GDPD1: variants seen among roughly 807,000 people sequenced by gnomAD.
The protein encoded by GDPD1 is lysophospholipase D GDPD1.
In GDPD1, 28 loss-of-function variants were observed where a neutral mutation model predicts 45.1. That is an observed-to-expected ratio of 0.62 (90% confidence interval 0.46 to 0.85). The LOEUF is 0.85. Among genes scored for constraint, GDPD1 ranks in the 40% least tolerant of loss-of-function variants. The pLI is 0.00. For missense variants in GDPD1, 256 were observed against 364.8 expected, an observed-to-expected ratio of 0.70 and a Z score of 2.43; for synonymous variants, 139 against 131.4, an observed-to-expected ratio of 1.06 and a Z score of -0.40.
intron 7 of GDPD1, among the ~76,000 whole-genome samples, chr17:59,268,479 T>C (rs1216286449): frequency 1.4e-5 from 2 of 143,730 alleles, no homozygotes; most frequent in Non-Finnish European, 3.0e-5. Flanking sequence ...CTCCGGAGGC[T>C]GAGGCAGGAG....
intron 4 of GDPD1, among the ~76,000 whole-genome samples, chr17:59,256,337 A>G (rs1198993218): frequency 6.6e-6 from 1 of 152,072 alleles, no homozygotes; most frequent in African/African-American, 2.4e-5. Context: ...ACAAACAAAA[A>G]AGAGACTAGA....
At chr17:59,223,533 CG>C (rs1441424850) in intron 1 of GDPD1, among the ~76,000 whole-genome samples, 1 of 152,134 alleles carries the variant, frequency 6.6e-6, no homozygotes, top group Non-Finnish European at 1.5e-5. Flanking sequence ...GTCTTCGACA[CG>C]GATAATAGCA....
intron 4 of GDPD1, among the ~76,000 whole-genome samples, chr17:59,252,515 T>G (rs2091389475): frequency 6.6e-6 from 1 of 151,830 alleles, no homozygotes; most frequent in South Asian, 2.1e-4. Context: ...CTGGGATTAG[T>G]CATGAGCCAC....
Position 59,261,913 on chromosome 17 carries a change from CTTT to C in GDPD1, c.576+4093_576+4095del, listed in dbSNP as rs58058526. On this transcript the variant is annotated intron_variant, in intron 6 of 9. Coordinates refer to ENST00000284116, the MANE Select transcript of GDPD1 (RefSeq NM_182569.4). Reference sequence around the variant, plus strand: ...TTTCCCAAAGTGCTGAGATTACAGGCTTTTTTTTTTTTTTTTTTTTTTGAGACG... The same window carrying C: ...TTTCCCAAAGTGCTGAGATTACAGGCTTTTTTTTTTTTTTTTTTTGAGACG... 3.9e-3 allele frequency among the ~76,000 whole-genome samples: 311 copies of C among 79,294 alleles called. 1 individual carries two copies. The highest frequency in any genetic ancestry group is 0.019 in the African/African-American group (291 of 15,660). The allele number at this position is 79,294 out of a possible 152,430, so 52.0% of individuals were successfully genotyped here.
At chr17:59,237,367 C>T (rs1220031628) in intron 2 of GDPD1, among the ~76,000 whole-genome samples, 1 of 152,138 alleles carries the variant, frequency 6.6e-6, no homozygotes, top group Non-Finnish European at 1.5e-5. Context: ...CACCACTGTA[C>T]TCCAGCCTGA....
At position 59,220,666 on chromosome 17, in the gene GDPD1, C is replaced by T. The variant is rs994835433; in HGVS notation, c.57C>T (p.Thr19=). The part of the protein sequence containing the change: ...LLSTLGGYLV[T]SFLLLKYPTL... ...CTACGCTAGGAGGATACTTGGTGACCTCATTCTTGTTGCTTAAATACCCGA... is the reference window on the plus strand; with the variant it reads ...CTACGCTAGGAGGATACTTGGTGACTTCATTCTTGTTGCTTAAATACCCGA... The change falls in exon 1 of 10, where the codon ACC becomes ACT. Residue 19 remains threonine, a synonymous_variant. Coordinates refer to ENST00000284116, the MANE Select transcript of GDPD1 (RefSeq NM_182569.4). 1 of 1,614,182 alleles carries T rather than the reference C, an allele frequency of 6.2e-7. No individual in the cohort carries two copies. The highest frequency in any genetic ancestry group is 1.1e-5 in the South Asian group (1 of 91,080).
chr17:59,255,788 CGTATATAT>C (rs1454553978), intron 4 of GDPD1, among the ~76,000 whole-genome samples: 3 of 46,814 alleles, frequency 6.4e-5, no homozygotes, highest in Middle Eastern at 0.019. Flanking sequence ...TATATATACG[CGTATATAT>C]GTATATATAT....
intron 6 of GDPD1, among the ~76,000 whole-genome samples, chr17:59,264,376 C>T (rs982697679): frequency 6.6e-6 from 1 of 152,066 alleles, no homozygotes; most frequent in Admixed American, 6.6e-5. Flanking sequence ...TCACTGCAAC[C>T]TCCACCTCCC....
At chr17:59,221,029 G>A (rs776592242) in intron 1 of GDPD1, among the ~76,000 whole-genome samples, 1 of 152,138 alleles carries the variant, frequency 6.6e-6, no homozygotes, top group Non-Finnish European at 1.5e-5. Flanking sequence ...AGAATGAAGG[G>A]TAGGTGGAGC....
At chr17:59,252,408 T>C (rs2047262026) in intron 4 of GDPD1, among the ~76,000 whole-genome samples, 1 of 151,622 alleles carries the variant, frequency 6.6e-6, no homozygotes, top group Non-Finnish European at 1.5e-5. Flanking sequence ...CCAGCTAATT[T>C]TTGTATTTTT....
chr17:59,250,494 A>T (rs150355825), intron 4 of GDPD1, among the ~76,000 whole-genome samples: 46 of 151,904 alleles, frequency 3.0e-4, no homozygotes, highest in African/African-American at 1.0e-3. Context: ...ATATGCCTAT[A>T]GTCTCAGCTA....
intron 1 of GDPD1, among the ~76,000 whole-genome samples, chr17:59,228,446 T>C (rs1344551734): frequency 6.6e-6 from 1 of 152,114 alleles, no homozygotes; most frequent in African/African-American, 2.4e-5. Context: ...TGCCATAATA[T>C]GATAAATGCC....
intron 6 of GDPD1, among the ~76,000 whole-genome samples, chr17:59,258,642 T>C (rs745947149): frequency 6.6e-6 from 1 of 152,174 alleles, no homozygotes; most frequent in African/African-American, 2.4e-5. Context: ...ATAGTAGAGA[T>C]AATGGATTTG....
chr17:59,269,479 C>G (rs571907324), intron 7 of GDPD1, among the ~76,000 whole-genome samples: 4 of 145,092 alleles, frequency 2.8e-5, no homozygotes, highest in South Asian at 2.4e-4. Context: ...TTGTCTACCC[C>G]CCCCCCCAAA....
chr17:59,264,865 G>C (rs1272153737), intron 6 of GDPD1, among the ~76,000 whole-genome samples: 1 of 151,968 alleles, frequency 6.6e-6, no homozygotes, highest in Non-Finnish European at 1.5e-5. Context: ...ATTTGAGACA[G>C]AGTCTCACTC....
intron 8 of GDPD1, among the ~76,000 whole-genome samples, chr17:59,271,605 C>CTTATT (rs150984479): frequency 0.053 from 7,887 of 148,438 alleles, 516 homozygotes; most frequent in African/African-American, 0.15. Context: ...GCCTTTTCTT[C>CTTATT]TTATTTTATT....
intron 1 of GDPD1, among the ~76,000 whole-genome samples, chr17:59,225,943 A>T (rs1597960376): frequency 6.9e-6 from 1 of 145,062 alleles, no homozygotes; most frequent in East Asian, 2.1e-4. Flanking sequence ...CTGGTCTCAA[A>T]CTCCTGACCT....
chr17:59,270,388 G>T (rs967668829), intron 7 of GDPD1, among the ~76,000 whole-genome samples: 7 of 151,612 alleles, frequency 4.6e-5, no homozygotes, highest in Non-Finnish European at 7.4e-5. Context: ...GAGACGGGGG[G>T]GGGTTTCACT....
chr17:59,264,780 CTTAT>C (rs1188614514), intron 6 of GDPD1, among the ~76,000 whole-genome samples: 1 of 152,026 alleles, frequency 6.6e-6, no homozygotes, highest in Non-Finnish European at 1.5e-5. Context: ...AATTCTCAAA[CTTAT>C]TTACTCTATT....
Sources: allele counts gnomAD v4.1 joint callset (sites outside exome capture counted in the v4.1 genomes callset), GRCh38; gene constraint gnomAD v4.1.1; transcripts MANE v1.5; gene names NCBI Gene and HGNC (gene_info 2026-07-23, HGNC 2026-07-21).